RTN4: variants seen among roughly 807,000 people sequenced by gnomAD.
The protein encoded by RTN4 is reticulon-4.
A neutral mutation model predicts 90.4 loss-of-function variants in RTN4; 32 were observed. The observed-to-expected ratio is 0.35, with a 90% CI of 0.27 to 0.48. The LOEUF is 0.48. Among genes scored for constraint, RTN4 ranks in the 20% least tolerant of loss-of-function variants. The pLI is 0.99. For missense variants in RTN4, 1,706 were observed against 1,430.2 expected, an observed-to-expected ratio of 1.19 and a Z score of -3.11; for synonymous variants, 629 against 552.5, an observed-to-expected ratio of 1.14 and a Z score of -1.94.
intron 5 of RTN4, among the ~76,000 whole-genome samples, chr2:54,980,345 G>A (rs778309409): frequency 2.1e-5 from 3 of 142,102 alleles, no homozygotes; most frequent in Non-Finnish European, 4.7e-5. Flanking sequence ...CTCTTGCCCC[G>A]TATCTACACA....
intron 3 of RTN4, among the ~76,000 whole-genome samples, chr2:55,000,116 T>G (rs992632756): frequency 6.6e-6 from 1 of 152,140 alleles, no homozygotes; most frequent in African/African-American, 2.4e-5. Flanking sequence ...GCTCAAGAGA[T>G]AAGGTCAAGA....
chr2:55,112,178 G>A (rs1402929599), intron 1 of RTN4, among the ~76,000 whole-genome samples: 1 of 152,228 alleles, frequency 6.6e-6, no homozygotes, highest in Admixed American at 6.5e-5. Flanking sequence ...CAGCTCACCT[G>A]CACTGGGCTG....
At position 55,050,088 on chromosome 2, in the gene RTN4, GGC is replaced by G; in HGVS notation, c.211_212del (p.Ala71ProfsTer13). Reference sequence around the variant, plus strand: ...CCATCAGGGGCGCGCCGGCGGCAGGGGCGGTGGGCACTGGGGCCGCGGACAGC... The same window carrying G: ...CCATCAGGGGCGCGCCGGCGGCAGGGGGTGGGCACTGGGGCCGCGGACAGC... Reference protein sequence around the residue: ...AGLSAAPVPTAPAAGAPLMDF... With the variant: ...AGLSAAPVPTXPAAGAPLMDF... On this transcript the variant is annotated frameshift_variant, in exon 1 of 9. Coordinates refer to ENST00000337526, the MANE Select transcript of RTN4 (RefSeq NM_020532.5). LOFTEE classifies it high-confidence loss of function. The surrounding 1 kb of genome is among the most constrained non-coding windows in gnomAD (Gnocchi z 4.6). 6.8e-7 allele frequency: 1 copy of G among 1,472,332 alleles called. No homozygotes were observed. Among genetic ancestry groups the G allele is most frequent in the Non-Finnish European group, 9.0e-7 (1 of 1,117,126 alleles). The allele number at this position is 1,472,332 out of a possible 1,614,324, so 91.2% of individuals were successfully genotyped here.
chr2:55,047,239 A>T (rs947524289), intron 1 of RTN4, among the ~76,000 whole-genome samples: 2 of 151,666 alleles, frequency 1.3e-5, no homozygotes, highest in African/African-American at 2.4e-5. Context: ...CTGAGGCAGG[A>T]GAATCACTTG....
chr2:55,078,093 A>G (rs1174393288), intron 2 of RTN4, among the ~76,000 whole-genome samples: 1 of 152,090 alleles, frequency 6.6e-6, no homozygotes, highest in Non-Finnish European at 1.5e-5. Flanking sequence ...TGCTCAGGTG[A>G]TGGGTGCACC....
At chr2:54,996,756 T>A (rs1458077513) in intron 3 of RTN4, among the ~76,000 whole-genome samples, 1 of 152,216 alleles carries the variant, frequency 6.6e-6, no homozygotes, top group Admixed American at 6.5e-5. Flanking sequence ...GTTTCTTATC[T>A]TTTTGTTGTT....
At chr2:55,028,267 G>C in intron 1 of RTN4, 47 bp from the exon 2 acceptor site, 1 of 1,542,126 alleles carries the variant, frequency 6.5e-7, no homozygotes, top group South Asian at 1.2e-5. Flanking sequence ...AAGACAGATT[G>C]AAAGGAGACT....
intron 2 of RTN4, among the ~76,000 whole-genome samples, chr2:55,056,285 G>T (rs957261434): frequency 6.6e-6 from 1 of 152,092 alleles, no homozygotes; most frequent in South Asian, 2.1e-4. Flanking sequence ...TCACTTAGCA[G>T]CCATCCCTGG....
At chr2:55,031,703 C>T (rs2104894545) in intron 1 of RTN4, among the ~76,000 whole-genome samples, 1 of 152,340 alleles carries the variant, frequency 6.6e-6, no homozygotes, top group Non-Finnish European at 1.5e-5. Context: ...AACCATGGCT[C>T]ATGAGCCCAT....
intron 1 of RTN4, among the ~76,000 whole-genome samples, chr2:55,032,680 A>C (rs894222693): frequency 6.6e-6 from 1 of 152,184 alleles, no homozygotes; most frequent in African/African-American, 2.4e-5. Context: ...ACAGAGCCTC[A>C]GTGCTGAGAG....
At chr2:55,047,995 A>G (rs1200159828) in intron 1 of RTN4, among the ~76,000 whole-genome samples, 2 of 152,254 alleles carry the variant, frequency 1.3e-5, no homozygotes, top group African/African-American at 2.4e-5. Context: ...CAAACCTCAC[A>G]GTATACTTAC....
At chr2:54,990,019 C>A (rs1175301439) in intron 3 of RTN4, among the ~76,000 whole-genome samples, 1 of 152,104 alleles carries the variant, frequency 6.6e-6, no homozygotes, top group African/African-American at 2.4e-5. Context: ...TACACACAAA[C>A]AGAAAACTTA....
intron 1 of RTN4, among the ~76,000 whole-genome samples, chr2:55,047,549 TCCC>T (rs1667827615): frequency 7.2e-6 from 1 of 138,468 alleles, no homozygotes; most frequent in Admixed American, 7.6e-5. Context: ...TGGCTTATTT[TCCC>T]CCATTATGGA....
At chr2:55,062,312 C>G (rs941354563) in intron 2 of RTN4, among the ~76,000 whole-genome samples, 3 of 152,058 alleles carry the variant, frequency 2.0e-5, no homozygotes, top group African/African-American at 4.8e-5. Flanking sequence ...AGGCAGGGGT[C>G]TAATTGAGCT....
At chr2:55,128,962 G>C in the RTN4 span, among the ~76,000 whole-genome samples, 1 of 151,850 alleles carries the variant, frequency 6.6e-6, no homozygotes, top group Non-Finnish European at 1.5e-5. Context: ...CAAAAAATTA[G>C]CCAGGCGTGA....
intron 3 of RTN4, among the ~76,000 whole-genome samples, chr2:55,015,974 C>G (rs1053211900): frequency 2.0e-5 from 3 of 152,136 alleles, no homozygotes; most frequent in African/African-American, 7.2e-5. Flanking sequence ...ATGCTCATAC[C>G]CACTAACCTA....
intron 3 of RTN4, among the ~76,000 whole-genome samples, chr2:55,012,755 C>T (rs1680736044): frequency 1.3e-5 from 2 of 152,124 alleles, no homozygotes; most frequent in Admixed American, 6.6e-5. Flanking sequence ...AGTCCTTCAA[C>T]TCTAGGCAAT....
the RTN4 span, among the ~76,000 whole-genome samples, chr2:55,118,181 C>A: frequency 6.6e-6 from 1 of 152,100 alleles, no homozygotes; most frequent in Non-Finnish European, 1.5e-5. Flanking sequence ...AAAAGACACC[C>A]AGGGCTGGGC....
At position 54,987,553 on chromosome 2, in the gene RTN4, G is replaced by A; in HGVS notation, c.3159C>T (p.Ser1053=). The part of the protein sequence containing the change: ...IALALLSVTI[S]FRIYKGVIQA... ...GGATCACACCCTTGTATATCCTAAAGCTGATGGTCACAGAGAGCAGGGCCA... is the reference window on the plus strand; with the variant it reads ...GGATCACACCCTTGTATATCCTAAAACTGATGGTCACAGAGAGCAGGGCCA... Residue 1053 remains serine, a synonymous_variant, in exon 4 of 9, where the codon AGC becomes AGT. Coordinates refer to ENST00000337526, the MANE Select transcript of RTN4 (RefSeq NM_020532.5). 1 of 1,614,124 alleles carries A rather than the reference G, an allele frequency of 6.2e-7. No homozygotes were observed. The highest frequency in any genetic ancestry group is 8.5e-7 in the Non-Finnish European group (1 of 1,179,998).
Sources: allele counts gnomAD v4.1 joint callset (sites outside exome capture counted in the v4.1 genomes callset), GRCh38; gene constraint gnomAD v4.1.1; non-coding constraint Gnocchi (gnomAD v3.1); transcripts MANE v1.5; gene names NCBI Gene and HGNC (gene_info 2026-07-23, HGNC 2026-07-21).